The following SNAPC3 variants were observed in gnomAD, a reference collection of about 807,000 sequenced individuals.
SNAPC3 encodes the protein small nuclear RNA activating complex polypeptide 3, also known as snRNA-activating protein complex subunit 3.
Under a neutral mutation model 47.7 loss-of-function variants are expected in SNAPC3, and 56 were observed. That is an observed-to-expected ratio of 1.18 (90% CI 0.95 to 1.47). The LOEUF is 1.47. SNAPC3 is among the 40% of genes most tolerant of loss of function. The pLI, the probability that SNAPC3 is intolerant of heterozygous loss-of-function variation, is 0.00. For missense variants in SNAPC3, 665 were observed against 511.3 expected (o/e 1.30, Z -2.90); for synonymous variants, 235 against 189.9 (o/e 1.24, Z -1.95).
intron 2 of SNAPC3, among the ~76,000 whole-genome samples, chr9:15,432,511 A>G (rs1229835293): frequency 6.6e-6 from 1 of 152,190 alleles, no homozygotes; most frequent in African/African-American, 2.4e-5. Context: ...GTGGTGCCGG[A>G]AAGTAAGGGA....
intron 2 of SNAPC3, among the ~76,000 whole-genome samples, chr9:15,426,386 A>G (rs2031402799): frequency 6.6e-6 from 1 of 152,098 alleles, no homozygotes; most frequent in South Asian, 2.1e-4. Context: ...TTCCCTATTG[A>G]AATGCTCATC....
At chr9:15,464,041 G>A (rs2035440049), downstream of SNAPC3, 2 of 175,038 alleles carry the variant, frequency 1.1e-5, no homozygotes, top group African/African-American at 4.7e-5. Context: ...CTTGTAAATA[G>A]CAAGAAAGTA....
chr9:15,446,226 T>C (rs1038096130), intron 4 of SNAPC3, among the ~76,000 whole-genome samples: 1 of 152,182 alleles, frequency 6.6e-6, no homozygotes, highest in African/African-American at 2.4e-5. Flanking sequence ...TGTTGGTTTG[T>C]TTGTTTTTGA....
chr9:15,428,382 G>C (rs368360421), intron 2 of SNAPC3, among the ~76,000 whole-genome samples: 1 of 151,762 alleles, frequency 6.6e-6, no homozygotes, highest in African/African-American at 2.4e-5. Flanking sequence ...GGTGGCGGGC[G>C]CCTGTAGTCC....
intron 3 of SNAPC3, among the ~76,000 whole-genome samples, chr9:15,442,075 C>T (rs1208967074): frequency 1.3e-5 from 2 of 151,570 alleles, no homozygotes; most frequent in Non-Finnish European, 3.0e-5. Flanking sequence ...GCCCCCCAAC[C>T]TCCCTCCCGG....
At chr9:15,445,826 G>A (rs977850841) in intron 4 of SNAPC3, among the ~76,000 whole-genome samples, 1 of 152,124 alleles carries the variant, frequency 6.6e-6, no homozygotes, top group Non-Finnish European at 1.5e-5. Context: ...GTGTGTGCCT[G>A]TAGTCCCAGT....
At chr9:15,427,050 ATTTC>A (rs2031499029) in intron 2 of SNAPC3, among the ~76,000 whole-genome samples, 2 of 152,202 alleles carry the variant, frequency 1.3e-5, no homozygotes, top group Non-Finnish European at 2.9e-5. Context: ...TAAGTACATC[ATTTC>A]TTTATTATGA....
chr9:15,433,106 G>T (rs894021056), intron 2 of SNAPC3, among the ~76,000 whole-genome samples: 1 of 151,966 alleles, frequency 6.6e-6, no homozygotes, highest in African/African-American at 2.4e-5. Flanking sequence ...AGGAACTAGC[G>T]GTCAAACCCA....
chr9:15,465,259 T>C (rs2035538915), downstream of SNAPC3: 2 of 401,744 alleles, frequency 5.0e-6, no homozygotes, highest in Non-Finnish European at 8.8e-6. Context: ...GAAAATATGC[T>C]ACAACCATGT....
intron 3 of SNAPC3, among the ~76,000 whole-genome samples, chr9:15,439,417 T>A (rs948693560): frequency 1.3e-5 from 2 of 152,232 alleles, no homozygotes; most frequent in Admixed American, 6.5e-5. Flanking sequence ...AGGTGGGTCT[T>A]GCTCTGTTCC....
At chr9:15,444,140 T>C (rs2033739259) in intron 3 of SNAPC3, among the ~76,000 whole-genome samples, 1 of 152,240 alleles carries the variant, frequency 6.6e-6, no homozygotes, top group Non-Finnish European at 1.5e-5. Flanking sequence ...CATGGTGTTA[T>C]AAAAAGCATA....
At chr9:15,456,995 C>CT (rs1395584335) in intron 7 of SNAPC3, among the ~76,000 whole-genome samples, 7 of 152,098 alleles carry the variant, frequency 4.6e-5, no homozygotes, top group Admixed American at 2.6e-4. Context: ...TTGTGTAGTC[C>CT]TTTCATCTTT....
chr9:15,464,386 T>C (rs1023990442), downstream of SNAPC3: 1 of 195,802 alleles, frequency 5.1e-6, no homozygotes, highest in Non-Finnish European at 1.1e-5. Flanking sequence ...AAGTGCCAAA[T>C]GACCCTAATA....
chr9:15,466,482 T>G (rs1321618110), downstream of SNAPC3, among the ~76,000 whole-genome samples: 1 of 152,242 alleles, frequency 6.6e-6, no homozygotes, highest in African/African-American at 2.4e-5. Context: ...ACTAACAGTA[T>G]CTCAGTAAAA....
At chr9:15,444,779 CAT>C in intron 4 of SNAPC3, 73 bp downstream of exon 4, 1 of 800,508 alleles carries the variant, frequency 1.2e-6, no homozygotes, top group Non-Finnish European at 2.1e-6. Context: ...TTTGAAGAGT[CAT>C]ATTCCTATGC....
In SNAPC3 at chr9:15,444,350, G is replaced by T. The variant is rs564376558; in HGVS notation, c.478-252G>T. 2.0e-5 allele frequency among the ~76,000 whole-genome samples: 3 copies of T among 152,344 alleles called. No homozygotes were observed. The South Asian group carries it at 6.2e-4, about 32-fold the overall frequency. On this transcript the variant is annotated intron_variant, in intron 3 of 8. Coordinates refer to ENST00000380821, the MANE Select transcript of SNAPC3 (RefSeq NM_001039697.2). ...TTGCTCATCAACTGCTAAGTACTCAGTACCACACATCTTATCAGATGCATT... is the reference window on the plus strand; with the variant it reads ...TTGCTCATCAACTGCTAAGTACTCATTACCACACATCTTATCAGATGCATT...
intron 3 of SNAPC3, among the ~76,000 whole-genome samples, chr9:15,440,310 T>G (rs1217156845): frequency 6.6e-6 from 1 of 152,230 alleles, no homozygotes; most frequent in Non-Finnish European, 1.5e-5. Context: ...TACTGTCTAG[T>G]GTCTTTTCAT....
At chr9:15,443,134 T>C (rs952810862) in intron 3 of SNAPC3, among the ~76,000 whole-genome samples, 2 of 152,092 alleles carry the variant, frequency 1.3e-5, no homozygotes, top group Non-Finnish European at 2.9e-5. Context: ...CAGTCCAGCT[T>C]TGGCTCGGCA....
chr9:15,452,951 T>A, intron 6 of SNAPC3, 90 bp from the exon 7 acceptor site: 1 of 1,073,690 alleles, frequency 9.3e-7, no homozygotes, highest in Non-Finnish European at 1.4e-6. Context: ...GTGAGCTAGG[T>A]TAATGTGAAT....
Sources: allele counts gnomAD v4.1 joint callset (sites outside exome capture counted in the v4.1 genomes callset), GRCh38; gene constraint gnomAD v4.1.1; transcripts MANE v1.5; gene names NCBI Gene and HGNC (gene_info 2026-07-23, HGNC 2026-07-21).